The following ADGRV1 variants were observed in gnomAD, a reference collection of about 807,000 sequenced individuals.
ADGRV1 encodes G-protein coupled receptor 98.
In ADGRV1, 359 loss-of-function variants were observed where a neutral mutation model predicts 596.2. The observed-to-expected ratio is 0.60, with a 90% CI of 0.55 to 0.66. The LOEUF is 0.66. ADGRV1 is among the 30% of genes least tolerant of loss of function. The pLI is 0.00. For synonymous variants in ADGRV1, 2,681 were observed against 2,679.2 expected (o/e 1.00, Z -0.02); for missense variants, 7,274 against 7,575.6 (o/e 0.96, Z 1.48).
chr5:90,981,383 G>T (rs897644251), intron 84 of ADGRV1, among the ~76,000 whole-genome samples: 1 of 152,198 alleles, frequency 6.6e-6, no homozygotes, highest in Non-Finnish European at 1.5e-5. Context: ...TTGGCCCTAA[G>T]CAGTCGCAGC....
At chr5:91,121,954 A>G (rs1451356759) in intron 87 of ADGRV1, among the ~76,000 whole-genome samples, 2 of 151,830 alleles carry the variant, frequency 1.3e-5, no homozygotes, top group Admixed American at 6.6e-5. Context: ...AAAGGTCAGT[A>G]TGGTTTAAAG....
intron 86 of ADGRV1, among the ~76,000 whole-genome samples, chr5:91,078,941 C>T (rs1789089858): frequency 6.6e-6 from 1 of 152,174 alleles, no homozygotes; most frequent in Admixed American, 6.6e-5. Context: ...TCACATCAAA[C>T]TTGTAAGTAT....
chr5:90,754,468 T>TG (rs1490197171), intron 54 of ADGRV1, among the ~76,000 whole-genome samples: 8 of 152,154 alleles, frequency 5.3e-5, no homozygotes, highest in Non-Finnish European at 2.9e-5. Flanking sequence ...ATATGGCAAA[T>TG]TAAGTTTTTA....
At chr5:91,089,312 T>G (rs2126565844) in intron 86 of ADGRV1, among the ~76,000 whole-genome samples, 1 of 152,180 alleles carries the variant, frequency 6.6e-6, no homozygotes, top group Middle Eastern at 3.4e-3. Context: ...GACCAGACAA[T>G]ACTTTGATAA....
At chr5:91,014,781 T>C (rs1028341880) in intron 85 of ADGRV1, among the ~76,000 whole-genome samples, 3 of 151,970 alleles carry the variant, frequency 2.0e-5, no homozygotes, top group Non-Finnish European at 4.4e-5. Flanking sequence ...TGGATCTTTT[T>C]TCTTCTTTAT....
At chr5:90,751,607 G>A (rs1580999813) in intron 53 of ADGRV1, among the ~76,000 whole-genome samples, 1 of 152,170 alleles carries the variant, frequency 6.6e-6, no homozygotes, top group Non-Finnish European at 1.5e-5. Context: ...AGAGCCTTTT[G>A]TTCCTAGCTG....
At position 90,920,385 on chromosome 5, in the gene ADGRV1, G is replaced by A. The variant is rs115286446; in HGVS notation, c.17857-45030G>A. Among the ~76,000 whole-genome samples, 1,116 of 152,164 alleles carry A rather than the reference G, an allele frequency of 7.3e-3. 8 individuals are homozygous for A. Among genetic ancestry groups the A allele is most frequent in the African/African-American group, 0.026 (1,068 of 41,504 alleles). On this transcript the variant is annotated intron_variant, in intron 83 of 89. Transcript: ENST00000405460. ...TTTCAACATATGAATTCGGGGAGAC[G>A]CAAATATTAGAACATAACAAATACT... is the stretch of plus-strand genomic sequence containing the variant.
intron 86 of ADGRV1, among the ~76,000 whole-genome samples, chr5:91,087,181 A>G (rs1218379441): frequency 6.6e-6 from 1 of 152,164 alleles, no homozygotes; most frequent in Admixed American, 6.6e-5. Context: ...GTTTTCCCTG[A>G]ATTTTTATGT....
chr5:90,915,715 C>G (rs532283352), intron 83 of ADGRV1, among the ~76,000 whole-genome samples: 1 of 152,090 alleles, frequency 6.6e-6, no homozygotes, highest in East Asian at 1.9e-4. Flanking sequence ...TCCCCCAGCC[C>G]CCGTGGGTGC....
chr5:90,558,820 G>A lies in ADGRV1; in HGVS notation c.-76G>A. The A allele has an allele frequency of 8.4e-6, 12 of 1,425,774 alleles. No individual in the cohort carries two copies. Among genetic ancestry groups the A allele is most frequent in the Non-Finnish European group, 1.2e-5 (12 of 1,031,596 alleles). The allele number at this position is 1,425,774 out of a possible 1,614,324, so 88.3% of individuals were successfully genotyped here. A position where few individuals can be genotyped will look rare whatever the true frequency, so the allele number is the denominator to read the frequency against. ...GTGGTAGTAAGAATCAGCAGCGCGG[G>A]CAAGGAGTACGGACGGGAGTCAGAG... On this transcript the variant is annotated 5_prime_UTR_variant, in exon 1 of 90. Transcript: ENST00000405460.
At chr5:90,653,186 A>C (rs760836310) in intron 19 of ADGRV1, 23 bp from the exon 20 acceptor site, 1 of 1,555,298 alleles carries the variant, frequency 6.4e-7, no homozygotes, top group Non-Finnish European at 8.7e-7. Context: ...CTAGTTTCTC[A>C]CTCATAAATT....
chr5:90,564,938 A>T (rs1580280862), intron 1 of ADGRV1, among the ~76,000 whole-genome samples: 3 of 151,382 alleles, frequency 2.0e-5, no homozygotes, highest in Admixed American at 1.3e-4. Context: ...CGTTTAATAT[A>T]TTTAAAAAGT....
intron 26 of ADGRV1, among the ~76,000 whole-genome samples, chr5:90,680,018 A>G (rs1744727271): frequency 6.6e-6 from 1 of 152,202 alleles, no homozygotes; most frequent in Admixed American, 6.5e-5. Context: ...CGTTTTAAAT[A>G]CATCACACTT....
chr5:90,886,448 C>T (rs1770292335), intron 83 of ADGRV1, among the ~76,000 whole-genome samples: 1 of 152,102 alleles, frequency 6.6e-6, no homozygotes, highest in South Asian at 2.1e-4. Context: ...GATTCAAAGC[C>T]TCCACCCCAA....
rs778316835 is a variant in ADGRV1 at position 90,692,684 on chromosome 5, C to T, written c.7031C>T (p.Ala2344Val). ...CGAATTGCAAATATTATTATTCCTG[C>T]CAATGATGATCCTTATGGTACAGTA... is the stretch of plus-strand genomic sequence containing the variant. Reference protein sequence around the residue: ...LDRIANIIIPANDDPYGTVAF... With the variant: ...LDRIANIIIPVNDDPYGTVAF... The change falls in exon 32 of 90, where the codon GCC becomes GTC. Residue 2344 changes from alanine to valine, a missense_variant. Transcript: ENST00000405460. The T allele has an allele frequency of 6.2e-7, 1 of 1,610,868 alleles. No individual in the cohort carries two copies. The highest frequency in any genetic ancestry group is 1.1e-5 in the South Asian group (1 of 90,412).
intron 67 of ADGRV1, among the ~76,000 whole-genome samples, chr5:90,785,381 C>T (rs1333447064): frequency 6.6e-6 from 1 of 152,180 alleles, no homozygotes. Flanking sequence ...AAAGCAATGG[C>T]AACAAAAGCC....
At chr5:91,099,889 G>A (rs1791218697) in intron 86 of ADGRV1, among the ~76,000 whole-genome samples, 1 of 152,190 alleles carries the variant, frequency 6.6e-6, no homozygotes, top group Non-Finnish European at 1.5e-5. Flanking sequence ...GCATATGCAT[G>A]TGTATCCTCT....
chr5:90,748,810 CAA>C (rs1290953955), intron 52 of ADGRV1, among the ~76,000 whole-genome samples: 1 of 110,122 alleles, frequency 9.1e-6, no homozygotes, highest in Non-Finnish European at 1.7e-5. Context: ...TGTCTATCAT[CAA>C]GTTTTTTTTT....
intron 21 of ADGRV1, among the ~76,000 whole-genome samples, chr5:90,666,113 G>A (rs552174250): frequency 8.6e-4 from 130 of 151,264 alleles, no homozygotes; most frequent in Non-Finnish European, 1.6e-3. Flanking sequence ...GGAGAGTTCT[G>A]TAGATGTCTA....
Sources: allele counts gnomAD v4.1 joint callset (sites outside exome capture counted in the v4.1 genomes callset), GRCh38; gene constraint gnomAD v4.1.1; transcripts MANE v1.5; gene names NCBI Gene and HGNC (gene_info 2026-07-23, HGNC 2026-07-21).